The following SART3 variants were observed in gnomAD, a reference collection of about 807,000 sequenced individuals.
The protein encoded by SART3 is HIV-1 Tat-interacting protein of 110kDa.
In SART3, 44 loss-of-function variants were observed where a neutral mutation model predicts 122.3. That is an observed-to-expected ratio of 0.36 (90% CI 0.28 to 0.46). The LOEUF (loss-of-function observed/expected upper bound fraction) is 0.46. Ranked by LOEUF, SART3 falls within the 20% of genes least tolerant of loss-of-function variation. The pLI, the probability that SART3 is intolerant of heterozygous loss-of-function variation, is 1.00. For missense variants in SART3, 1,101 were observed against 1,229.0 expected, an observed-to-expected ratio of 0.90 and a Z score of 1.56; for synonymous variants, 442 against 454.0, an observed-to-expected ratio of 0.97 and a Z score of 0.34.
At position 108,524,405 on chromosome 12, in the gene SART3, G is replaced by A. The variant is rs1872271895; in HGVS notation, c.2625C>T (p.Ile875=). 1.9e-6 allele frequency: 3 copies of A among 1,614,008 alleles called. No individual in the cohort carries two copies. Among genetic ancestry groups the A allele is most frequent in the East Asian group, 2.2e-5 (1 of 44,896 alleles). ...GAACTTTCCTCTGAGGAGGGTTGCTGATTGCCACTTTGATGATGTTCTCTT... is the reference window on the plus strand; with the variant it reads ...GAACTTTCCTCTGAGGAGGGTTGCTAATTGCCACTTTGATGATGTTCTCTT... ...TIKENIIKVA[I]SNPPQRKVPE... is the part of the protein sequence containing the mutation. Residue 875 remains isoleucine (I), a synonymous_variant, in exon 18 of 19, where the codon ATC becomes ATT. Coordinates refer to ENST00000546815, the MANE Select transcript of SART3 (RefSeq NM_014706.4).
chr12:108,534,857 G>GT (rs1283794814), intron 12 of SART3, among the ~76,000 whole-genome samples: 1 of 152,140 alleles, frequency 6.6e-6, no homozygotes, highest in Non-Finnish European at 1.5e-5. Flanking sequence ...CATTCTTTAT[G>GT]TTTTCCCCAT....
intron 6 of SART3, among the ~76,000 whole-genome samples, chr12:108,541,116 A>T (rs1413778101): frequency 6.6e-6 from 1 of 152,240 alleles, no homozygotes. Context: ...AAAAAATAAA[A>T]AAGTGAAAAG....
intron 15 of SART3, 141 bp downstream of exon 15, chr12:108,530,001 C>T: frequency 9.9e-7 from 1 of 1,005,048 alleles, no homozygotes; most frequent in East Asian, 2.4e-5. Context: ...CCCTTGTTTG[C>T]AAGACATACA....
In SART3 at chr12:108,560,548, G is replaced by A. The variant is rs536679058; in HGVS notation, c.312+295C>T. ...TCAAAGTACAAGGCCTGACTTGCAG[G>A]AAGTGTTATCTTGAGCAAGAAACTT... On this transcript the variant is annotated intron_variant, in intron 1 of 18. Transcript: ENST00000546815. The A allele has an allele frequency of 1.3e-4, 55 of 433,608 alleles. 1 individual carries two copies. The highest frequency in any genetic ancestry group is 8.1e-4 in the African/African-American group (40 of 49,366). 26.9% of individuals were successfully genotyped at this position (433,608 alleles called of 1,614,324 possible). A position where few individuals can be genotyped will look rare whatever the true frequency, so the allele number is the denominator to read the frequency against.
intron 13 of SART3, chr12:108,531,486 G>C (rs753297264): frequency 3.6e-6 from 2 of 555,392 alleles, no homozygotes; most frequent in Non-Finnish European, 6.4e-6. Flanking sequence ...GGAGAGACTT[G>C]AAAACCAGAA....
At chr12:108,543,266 G>C in intron 5 of SART3, 114 bp from the exon 6 acceptor site, 1 of 1,256,054 alleles carries the variant, frequency 8.0e-7, no homozygotes, top group Non-Finnish European at 1.1e-6. Flanking sequence ...CTGTGGCATG[G>C]CAGCTCTTAC....
At chr12:108,559,993 C>T (rs2030421677) in intron 1 of SART3, among the ~76,000 whole-genome samples, 1 of 152,202 alleles carries the variant, frequency 6.6e-6, no homozygotes, top group African/African-American at 2.4e-5. Flanking sequence ...CCCCTTCCGG[C>T]CCAAAGATGG....
chr12:108,529,682 T>C lies in SART3; in HGVS notation c.1915+460A>G, dbSNP rs565915794. ...AATGGGCAGGCCACAGGAGCACTTGTGCACTATTCCTGCCCGAGATGCATG... is the reference window on the plus strand; with the variant it reads ...AATGGGCAGGCCACAGGAGCACTTGCGCACTATTCCTGCCCGAGATGCATG... On this transcript the variant is annotated intron_variant, in intron 15 of 18. Coordinates refer to ENST00000546815, the MANE Select transcript of SART3 (RefSeq NM_014706.4). 3.3e-5 allele frequency among the ~76,000 whole-genome samples: 5 copies of C among 152,260 alleles called. No individual in the cohort carries two copies. In the East Asian group the frequency reaches 7.7e-4, roughly 24 times the overall value.
rs747902338 is a variant in SART3 at position 108,549,140 on chromosome 12, G to A, written c.387C>T (p.Thr129=). The A allele has an allele frequency of 1.2e-6, 2 of 1,614,128 alleles. No individual in the cohort carries two copies. The highest frequency in any genetic ancestry group is 1.3e-5 in the African/African-American group (1 of 75,032). ...IRLLRLEGEL[T]KVRMARQKMS... The stretch of plus-strand genomic sequence containing the variant: ...TCTTCTGGCGGGCCATCCTCACCTT[G>A]GTAAGCTCCCCTTCCAGCCTGAGCA... The change falls in exon 2 of 19, where the codon ACC becomes ACT. Residue 129 remains threonine, a synonymous_variant. Transcript: ENST00000546815.
At position 108,561,158 on chromosome 12, in the gene SART3, G is replaced by C. The variant is rs1424258489; in HGVS notation, c.-4C>G. ...AGGTTTCGGCCGCAGTCGCCATCTTGCGCTTCTAATGACTCTCGGGTCTTC... is the reference window on the plus strand; with the variant it reads ...AGGTTTCGGCCGCAGTCGCCATCTTCCGCTTCTAATGACTCTCGGGTCTTC... On this transcript the variant is annotated 5_prime_UTR_variant, in exon 1 of 19. Coordinates refer to ENST00000546815, the MANE Select transcript of SART3 (RefSeq NM_014706.4). The C allele has an allele frequency of 6.2e-7, 1 of 1,613,060 alleles. No individual in the cohort carries two copies. The highest frequency in any genetic ancestry group is 1.3e-5 in the African/African-American group (1 of 74,902).
At chr12:108,525,312 G>A in intron 17 of SART3, 145 bp downstream of exon 17, 1 of 801,832 alleles carries the variant, frequency 1.2e-6, no homozygotes, top group South Asian at 1.5e-5. Flanking sequence ...GTAGAGCTAA[G>A]TGCAGATCTT....
rs912833688 is a variant in SART3 at position 108,534,701 on chromosome 12, C to T, written c.1556+658G>A. Reference sequence around the variant, plus strand: ...CCCCCGAAAAAAGAAAAGAAACTGTCGCTTTCTATCACATATTTTTGTAAA... The same window carrying T: ...CCCCCGAAAAAAGAAAAGAAACTGTTGCTTTCTATCACATATTTTTGTAAA... On this transcript the variant is annotated intron_variant, in intron 12 of 18. Transcript: ENST00000546815. Among the ~76,000 whole-genome samples, 2 of 152,140 alleles carry T rather than the reference C, an allele frequency of 1.3e-5. 1 individual carries two copies. Among genetic ancestry groups the T allele is most frequent in the South Asian group, 4.1e-4 (2 of 4,822 alleles).
rs779417107 is a variant in SART3 at position 108,526,226 on chromosome 12, T to A, written c.2243A>T (p.Tyr748Phe). The A allele has an allele frequency of 4.3e-5, 69 of 1,614,126 alleles. No homozygotes were observed. Among genetic ancestry groups the A allele is most frequent in the Non-Finnish European group, 5.8e-5 (69 of 1,180,050 alleles). The change falls in exon 16 of 19, where the codon TAC (tyrosine) becomes TTC (phenylalanine). Residue 748 changes from tyrosine to phenylalanine, a missense_variant. Physicochemically the swap from Tyr to Phe is conservative, Grantham distance 22. Coordinates refer to ENST00000546815, the MANE Select transcript of SART3 (RefSeq NM_014706.4). ...CTCTTCTTTAAACTCCACGTAGCAGTAACCTCGGAAATCCCCACGGTTGCT... is the reference window on the plus strand; with the variant it reads ...CTCTTCTTTAAACTCCACGTAGCAGAAACCTCGGAAATCCCCACGGTTGCT... ...IFSNRGDFRG[Y>F]CYVEFKEEKS... is the part of the protein sequence containing the mutation.
intron 1 of SART3, among the ~76,000 whole-genome samples, chr12:108,555,933 A>C (rs935876704): frequency 2.0e-5 from 3 of 152,226 alleles, no homozygotes; most frequent in Non-Finnish European, 4.4e-5. Flanking sequence ...CAATAAGTTA[A>C]TCAGTGGAAT....
At chr12:108,549,051 TTC>T in intron 2 of SART3, 35 bp downstream of exon 2, 1 of 1,613,822 alleles carries the variant, frequency 6.2e-7, no homozygotes, top group Non-Finnish European at 8.5e-7. Flanking sequence ...CAAGCCTTGT[TTC>T]TGTTTCTAAA....
rs1188025959 is a variant in SART3 at position 108,538,218 on chromosome 12, TC to T, written c.1063-16del. On this transcript the variant is annotated splice_polypyrimidine_tract_variant and intron_variant, in intron 7 of 18. Coordinates refer to ENST00000546815, the MANE Select transcript of SART3 (RefSeq NM_014706.4). ...AGTTGTCGATCCTATGATAAAGAAT[TC>T]CAGAGTTAGGAAATTACACTTTATT... 1.2e-6 allele frequency: 2 copies of T among 1,613,884 alleles called. No homozygotes were observed. Among genetic ancestry groups the T allele is most frequent in the Non-Finnish European group, 1.7e-6 (2 of 1,179,916 alleles).
At chr12:108,560,248 T>C (rs965133467) in intron 1 of SART3, 2 of 153,470 alleles carry the variant, frequency 1.3e-5, no homozygotes, top group African/African-American at 2.4e-5. Context: ...TATGCAGAAA[T>C]TGTTGCTCCC....
intron 6 of SART3, among the ~76,000 whole-genome samples, chr12:108,540,787 C>A (rs1243975432): frequency 6.6e-6 from 1 of 152,152 alleles, no homozygotes; most frequent in Admixed American, 6.5e-5. Flanking sequence ...AGAAGAAAGA[C>A]CCACACATAA....
chr12:108,524,778 AAAG>A, intron 17 of SART3: 1 of 525,592 alleles, frequency 1.9e-6, no homozygotes, highest in Non-Finnish European at 3.4e-6. Context: ...AAGTAGAAAG[AAAG>A]AAGGAAAAAG....
Sources: gnomAD v4.1 joint callset for allele counts (sites outside exome capture counted in the v4.1 genomes callset) on GRCh38, gnomAD v4.1.1 for gene constraint, MANE v1.5 for transcripts, NCBI Gene and HGNC (gene_info 2026-07-23, HGNC 2026-07-21) for gene names.